The following SLC28A1 variants were observed in gnomAD, a reference collection of about 807,000 sequenced individuals.
SLC28A1 encodes solute carrier family 28 member 1, also known as sodium/nucleoside cotransporter 1.
A neutral mutation model predicts 74.8 loss-of-function variants in SLC28A1; 64 were observed. That is an observed-to-expected ratio of 0.86 (90% confidence interval 0.70 to 1.05). The LOEUF (loss-of-function observed/expected upper bound fraction) is 1.05, where lower values mean the gene tolerates loss of function less well. Ranked by LOEUF, SLC28A1 falls within the 50% of genes least tolerant of loss-of-function variation. The pLI is 0.00. For missense variants in SLC28A1, 828 were observed against 822.8 expected (o/e 1.01, Z -0.08); for synonymous variants, 359 against 335.0 (o/e 1.07, Z -0.78).
At chr15:84,896,595 T>C (rs2343679) in intron 6 of SLC28A1, among the ~76,000 whole-genome samples, 108,153 of 151,638 alleles carry the variant, frequency 0.71, 38,889 homozygotes, top group East Asian at 0.89. Context: ...GGGTGGATCA[T>C]GAGGTCAGGA....
chr15:84,896,123 G>A (rs902237155), intron 6 of SLC28A1: 1 of 228,238 alleles, frequency 4.4e-6, no homozygotes, highest in Non-Finnish European at 7.3e-6. Flanking sequence ...AAAAATGCAT[G>A]CAGATAAACT....
chr15:84,894,871 G>A (rs979414688), intron 5 of SLC28A1, 69 bp from the exon 6 acceptor site: 11 of 1,490,544 alleles, frequency 7.4e-6, no homozygotes, highest in South Asian at 3.4e-5. Flanking sequence ...TGGAGTCCGC[G>A]GGCGGGGCTG....
intron 6 of SLC28A1, among the ~76,000 whole-genome samples, chr15:84,898,408 C>T (rs932590824): frequency 6.6e-6 from 1 of 152,016 alleles, no homozygotes; most frequent in Non-Finnish European, 1.5e-5. Context: ...GAAACCACAT[C>T]TCTACTAAAA....
intron 8 of SLC28A1, among the ~76,000 whole-genome samples, chr15:84,906,892 T>A (rs919120046): frequency 4.6e-5 from 7 of 152,220 alleles, no homozygotes; most frequent in Non-Finnish European, 1.5e-5. Flanking sequence ...ACAAATTTAG[T>A]TTAAAGATCT....
intron 5 of SLC28A1, among the ~76,000 whole-genome samples, chr15:84,893,507 A>G (rs1223525369): frequency 6.6e-6 from 1 of 152,120 alleles, no homozygotes; most frequent in Non-Finnish European, 1.5e-5. Flanking sequence ...CATTCCAGTG[A>G]GTGACGGGAA....
At chr15:84,972,475 A>G in the SLC28A1 span, among the ~76,000 whole-genome samples, 19 of 152,360 alleles carry the variant, frequency 1.2e-4, no homozygotes, top group African/African-American at 4.6e-4. Context: ...GAAAATTATT[A>G]TAAAGGACTT....
chr15:84,923,311 T>G (rs1395773248), intron 11 of SLC28A1, among the ~76,000 whole-genome samples: 1 of 151,836 alleles, frequency 6.6e-6, no homozygotes, highest in Non-Finnish European at 1.5e-5. Flanking sequence ...CCATCTAAAA[T>G]GACATTGCTT....
intron 10 of SLC28A1, among the ~76,000 whole-genome samples, chr15:84,919,466 T>G (rs141290957): frequency 1.3e-5 from 2 of 152,340 alleles, no homozygotes; most frequent in East Asian, 3.9e-4. Flanking sequence ...GAAAAGAGAT[T>G]TATTTGGCTC....
intron 9 of SLC28A1, among the ~76,000 whole-genome samples, chr15:84,911,342 G>C (rs1968179952): frequency 6.6e-6 from 1 of 152,190 alleles, no homozygotes; most frequent in African/African-American, 2.4e-5. Context: ...CAGTGGTGTT[G>C]CGGCCTCCCT....
chr15:84,944,564 A>C lies in SLC28A1; in HGVS notation c.1664-2A>C. 1 of 1,611,040 alleles carries C rather than the reference A, an allele frequency of 6.2e-7. No homozygotes were observed. Among genetic ancestry groups the C allele is most frequent in the Non-Finnish European group, 8.5e-7 (1 of 1,177,284 alleles). Reference sequence around the variant, plus strand: ...GCCCTGAGCACTTCTGTCCCCTTGCAGCCTCCATGGTCCCCCAACGGAAGA... The same window carrying C: ...GCCCTGAGCACTTCTGTCCCCTTGCCGCCTCCATGGTCCCCCAACGGAAGA... On this transcript the variant is annotated splice_acceptor_variant, in intron 16 of 18. Transcript: ENST00000394573. LOFTEE classifies it high-confidence loss of function.
chr15:84,908,024 G>A (rs1190892753), intron 8 of SLC28A1, among the ~76,000 whole-genome samples: 1 of 152,132 alleles, frequency 6.6e-6, no homozygotes, highest in Non-Finnish European at 1.5e-5. Flanking sequence ...AGACTCCAAG[G>A]CCACAAGCCC....
chr15:84,907,068 T>C (rs2141809906), intron 8 of SLC28A1, among the ~76,000 whole-genome samples: 1 of 152,308 alleles, frequency 6.6e-6, no homozygotes, highest in East Asian at 1.9e-4. Context: ...TCAAGGTCAC[T>C]TTCCTTATAA....
At chr15:84,917,225 G>T (rs1447424447) in intron 9 of SLC28A1, among the ~76,000 whole-genome samples, 1 of 152,082 alleles carries the variant, frequency 6.6e-6, no homozygotes, top group Non-Finnish European at 1.5e-5. Flanking sequence ...GCTATTACCA[G>T]TTCTACATGA....
intron 9 of SLC28A1, among the ~76,000 whole-genome samples, chr15:84,912,806 GCACACACACACACACA>G (rs199525878): frequency 7.5e-4 from 84 of 112,294 alleles, no homozygotes; most frequent in South Asian, 1.3e-3. Flanking sequence ...TTGCGCGCGC[GCACACACACACACACA>G]CACACACACA....
chr15:84,911,444 C>G (rs892139439), intron 9 of SLC28A1, among the ~76,000 whole-genome samples: 4 of 152,204 alleles, frequency 2.6e-5, no homozygotes, highest in African/African-American at 9.7e-5. Flanking sequence ...AGAGCTAGAA[C>G]CCCTCCACTG....
chr15:84,974,177 T>C, the SLC28A1 span, among the ~76,000 whole-genome samples: 1 of 152,222 alleles, frequency 6.6e-6, no homozygotes, highest in South Asian at 2.1e-4. Context: ...ATACTTTTGG[T>C]AACCAGTGTG....
At chr15:84,952,569 C>T in the SLC28A1 span, among the ~76,000 whole-genome samples, 1 of 152,208 alleles carries the variant, frequency 6.6e-6, no homozygotes, top group East Asian at 1.9e-4. Context: ...CCCAGCAAAA[C>T]TTCTGTTTTT....
chr15:84,929,605 G>A (rs1596331194), intron 12 of SLC28A1, among the ~76,000 whole-genome samples: 2 of 151,602 alleles, frequency 1.3e-5, no homozygotes, highest in East Asian at 1.9e-4. Flanking sequence ...TGTCATTTCA[G>A]TACTTTGGGA....
downstream of SLC28A1, chr15:84,945,892 C>T (rs1022111856): frequency 6.5e-6 from 1 of 153,212 alleles, no homozygotes; most frequent in African/African-American, 2.4e-5. Flanking sequence ...AACCTTTTCA[C>T]TCTGTCACCC....
Sources: gnomAD v4.1 joint callset for allele counts (sites outside exome capture counted in the v4.1 genomes callset) on GRCh38, gnomAD v4.1.1 for gene constraint, MANE v1.5 for transcripts, NCBI Gene and HGNC (gene_info 2026-07-23, HGNC 2026-07-21) for gene names.